Variants in ANO10 observed in about 807,000 individuals in gnomAD.
The protein encoded by ANO10 is anoctamin 10.
A neutral mutation model predicts 74.7 loss-of-function variants in ANO10; 77 were observed. The observed-to-expected ratio is 1.03, with a 90% CI of 0.86 to 1.25. ANO10 has a LOEUF of 1.25. Ranked by LOEUF, ANO10 falls within the 50% of genes most tolerant of loss-of-function variation. The pLI is 0.00. For synonymous variants in ANO10, 279 were observed against 284.9 expected, an observed-to-expected ratio of 0.98 and a Z score of 0.21; for missense variants, 721 against 778.1, an observed-to-expected ratio of 0.93 and a Z score of 0.87.
chr3:43,506,225 C>A (rs2077289270), intron 11 of ANO10, among the ~76,000 whole-genome samples: 1 of 152,100 alleles, frequency 6.6e-6, no homozygotes, highest in Non-Finnish European at 1.5e-5. Flanking sequence ...TTGCTCAGGC[C>A]AAACCTGAGG....
chr3:43,443,089 T>A (rs547108076), intron 11 of ANO10, among the ~76,000 whole-genome samples: 1 of 152,156 alleles, frequency 6.6e-6, no homozygotes, highest in Non-Finnish European at 1.5e-5. Context: ...CAGGGCTGTG[T>A]CTATGACCCA....
At chr3:43,608,769 T>C (rs1559776185) in intron 1 of ANO10, among the ~76,000 whole-genome samples, 1 of 152,050 alleles carries the variant, frequency 6.6e-6, no homozygotes. Context: ...TTTGTAGAGA[T>C]GGGGTCTCCC....
intron 12 of ANO10, among the ~76,000 whole-genome samples, chr3:43,399,612 C>G (rs1306855750): frequency 6.6e-6 from 1 of 152,192 alleles, no homozygotes; most frequent in African/African-American, 2.4e-5. Context: ...TTTGCTCTGT[C>G]TTTGTCCCAT....
At chr3:43,512,570 C>A (rs1018764908) in intron 11 of ANO10, among the ~76,000 whole-genome samples, 2 of 152,068 alleles carry the variant, frequency 1.3e-5, no homozygotes, top group African/African-American at 4.8e-5. Flanking sequence ...GGATATATTA[C>A]GTTTTGCAGT....
intron 12 of ANO10, among the ~76,000 whole-genome samples, chr3:43,379,118 T>C (rs1237224829): frequency 2.0e-5 from 3 of 152,134 alleles, no homozygotes; most frequent in Admixed American, 6.5e-5. Context: ...CGGCAGCCAG[T>C]CAATATTTTC....
In ANO10 at chr3:43,366,351, C is replaced by G. The variant is rs2091410112; in HGVS notation, c.*555G>C. On this transcript the variant is annotated 3_prime_UTR_variant, in exon 13 of 13. Coordinates refer to ENST00000292246, the MANE Select transcript of ANO10 (RefSeq NM_018075.5). The stretch of plus-strand genomic sequence containing the variant: ...TAGGCAGAAGGAGTCAGAGAGGTTG[C>G]CTTTAATAGCTCAGTTACTATTGTT... The G allele has an allele frequency of 5.6e-6, 1 of 177,440 alleles. No homozygotes were observed. Among genetic ancestry groups the G allele is most frequent in the Non-Finnish European group, 1.2e-5 (1 of 82,056 alleles). The allele number at this position is 177,440 out of a possible 1,614,324, so 11.0% of individuals were successfully genotyped here.
At chr3:43,516,268 G>A (rs915749278) in intron 11 of ANO10, among the ~76,000 whole-genome samples, 1 of 152,152 alleles carries the variant, frequency 6.6e-6, no homozygotes. Context: ...GGAAAACTGA[G>A]GGAAAGGTGA....
chr3:43,461,698 T>C (rs1486840064), intron 11 of ANO10, among the ~76,000 whole-genome samples: 1 of 152,200 alleles, frequency 6.6e-6, no homozygotes, highest in African/African-American at 2.4e-5. Context: ...TCATGAGGCT[T>C]CCTCAGCCAT....
chr3:43,437,747 C>G (rs1376385635), intron 11 of ANO10, among the ~76,000 whole-genome samples: 1 of 152,024 alleles, frequency 6.6e-6, no homozygotes, highest in Non-Finnish European at 1.5e-5. Flanking sequence ...GAGAGACTCT[C>G]TGATTCTCTA....
intron 11 of ANO10, among the ~76,000 whole-genome samples, chr3:43,439,538 C>T (rs767568252): frequency 2.0e-5 from 3 of 151,776 alleles, no homozygotes; most frequent in African/African-American, 4.8e-5. Context: ...TTCTAGTATA[C>T]ACTTTAAAGA....
intron 11 of ANO10, among the ~76,000 whole-genome samples, chr3:43,439,539 A>G (rs1439511380): frequency 1.3e-5 from 2 of 152,040 alleles, no homozygotes; most frequent in Non-Finnish European, 2.9e-5. Context: ...TCTAGTATAC[A>G]CTTTAAAGAT....
At chr3:43,482,163 C>T (rs180845406) in intron 11 of ANO10, among the ~76,000 whole-genome samples, 76 of 152,060 alleles carry the variant, frequency 5.0e-4, no homozygotes, top group African/African-American at 1.2e-3. Flanking sequence ...CTCCTGACCT[C>T]GTGATCCGCC....
chr3:43,372,731 G>C (rs895887223), intron 12 of ANO10: 2 of 900,582 alleles, frequency 2.2e-6, no homozygotes, highest in Admixed American at 2.2e-5. Context: ...ATCCTACCTG[G>C]TATGTGGTCT....
intron 1 of ANO10, among the ~76,000 whole-genome samples, chr3:43,662,401 A>C (rs2083936635): frequency 6.6e-6 from 1 of 152,226 alleles, no homozygotes; most frequent in South Asian, 2.1e-4. Flanking sequence ...GGACACATTT[A>C]AAGCAGCAGT....
chr3:43,662,300 A>G (rs947891923), intron 1 of ANO10, among the ~76,000 whole-genome samples: 6 of 152,248 alleles, frequency 3.9e-5, no homozygotes, highest in Non-Finnish European at 8.8e-5. Flanking sequence ...CTGCTCCTGA[A>G]TGACTATTGG....
chr3:43,510,535 T>G (rs1396535311), intron 11 of ANO10, among the ~76,000 whole-genome samples: 2 of 151,966 alleles, frequency 1.3e-5, no homozygotes, highest in Non-Finnish European at 2.9e-5. Context: ...GTAAATATAC[T>G]GGTTGTGACA....
chr3:43,567,569 T>C (rs1322914153), intron 7 of ANO10, among the ~76,000 whole-genome samples: 1 of 152,112 alleles, frequency 6.6e-6, no homozygotes, highest in African/African-American at 2.4e-5. Context: ...CAGAATTTCA[T>C]ATCCAGACAA....
intron 1 of ANO10, among the ~76,000 whole-genome samples, chr3:43,651,262 TA>T (rs199553375): frequency 0.024 from 3,727 of 152,286 alleles, 156 homozygotes; most frequent in African/African-American, 0.084. Context: ...TTCTCACTTT[TA>T]CAAAGCTTTT....
At chr3:43,398,738 T>C (rs1388455931) in intron 12 of ANO10, among the ~76,000 whole-genome samples, 2 of 152,266 alleles carry the variant, frequency 1.3e-5, no homozygotes, top group African/African-American at 4.8e-5. Context: ...GGCTAAATTC[T>C]AGTTCCGCCT....
Sources: gnomAD v4.1 joint callset for allele counts (sites outside exome capture counted in the v4.1 genomes callset) on GRCh38, gnomAD v4.1.1 for gene constraint, MANE v1.5 for transcripts, NCBI Gene and HGNC (gene_info 2026-07-23, HGNC 2026-07-21) for gene names.